The following HTT variants were observed in gnomAD, a reference collection of about 807,000 sequenced individuals.
The protein encoded by HTT is huntington disease protein.
A neutral mutation model predicts 362.3 loss-of-function variants in HTT; 104 were observed. The observed-to-expected ratio is 0.29, with a 90% CI of 0.24 to 0.34. The LOEUF (loss-of-function observed/expected upper bound fraction) is 0.34. Ranked by LOEUF, HTT falls within the 10% of genes least tolerant of loss-of-function variation. HTT has a pLI of 1.00. For synonymous variants in HTT, 1,577 were observed against 1,548.7 expected, an observed-to-expected ratio of 1.02 and a Z score of -0.43; for missense variants, 3,301 against 3,928.6, an observed-to-expected ratio of 0.84 and a Z score of 4.27.
chr4:3,192,411 G>T (rs1719052401), intron 40 of HTT, among the ~76,000 whole-genome samples: 1 of 152,174 alleles, frequency 6.6e-6, no homozygotes, highest in Non-Finnish European at 1.5e-5. Context: ...TTTGTTCTCT[G>T]GTGGGCTGTT....
chr4:3,171,793 A>G (rs1216238907), intron 29 of HTT, among the ~76,000 whole-genome samples: 2 of 152,208 alleles, frequency 1.3e-5, no homozygotes, highest in East Asian at 3.8e-4. Flanking sequence ...TGATTCTTGA[A>G]AAGGACATTG....
chr4:3,173,306 C>A, intron 31 of HTT, 175 bp downstream of exon 31: 1 of 615,096 alleles, frequency 1.6e-6, no homozygotes, highest in Non-Finnish European at 2.9e-6. Context: ...AAGGCATAGC[C>A]CGGCCTTCCA....
In HTT at chr4:3,178,252, A is replaced by G. The variant is rs569786870; in HGVS notation, c.4464-46A>G. On this transcript the variant is annotated intron_variant, in intron 34 of 66. Coordinates refer to ENST00000355072, the MANE Select transcript of HTT (RefSeq NM_001388492.1). The stretch of plus-strand genomic sequence containing the variant: ...TTTTATGTTGCTTATATTGATATGT[A>G]TCTTAATTTTAAAAGAAAGGTCTAA... 6.6e-6 allele frequency: 9 copies of G among 1,368,428 alleles called. No individual in the cohort carries two copies. The East Asian group carries it at 1.6e-4, about 24-fold the overall frequency. The allele number at this position is 1,368,428 out of a possible 1,614,324, so 84.8% of individuals were successfully genotyped here. A position where few individuals can be genotyped will look rare whatever the true frequency, so the allele number is the denominator to read the frequency against.
intron 49 of HTT, among the ~76,000 whole-genome samples, chr4:3,213,366 C>T (rs1186079214): frequency 6.6e-6 from 1 of 152,248 alleles, no homozygotes; most frequent in Non-Finnish European, 1.5e-5. Context: ...GATCACAGCA[C>T]AGGGTGATTG....
Position 3,074,811 on chromosome 4 carries a change from G to A in HTT, c.-15G>A. ...CGAGGCCTCCGGGGACTGCCGTGCC[G>A]GGCGGGAGACCGCCATGGCGACCCT... is the stretch of plus-strand genomic sequence containing the variant. On this transcript the variant is annotated 5_prime_UTR_variant, in exon 1 of 67. Coordinates refer to ENST00000355072, the MANE Select transcript of HTT (RefSeq NM_001388492.1). 1.3e-6 allele frequency: 2 copies of A among 1,512,346 alleles called. No homozygotes were observed. Among genetic ancestry groups the A allele is most frequent in the Admixed American group, 2.0e-5 (1 of 49,182 alleles). The allele number at this position is 1,512,346 out of a possible 1,614,324, so 93.7% of individuals were successfully genotyped here.
At chr4:3,209,709 A>G (rs1368605940) in intron 46 of HTT, 118 bp from the exon 47 acceptor site, 1 of 1,248,226 alleles carries the variant, frequency 8.0e-7, no homozygotes, top group East Asian at 2.4e-5. Flanking sequence ...GCCGGCCGGC[A>G]GCCCTCTCAG....
At chr4:3,105,992 A>T (rs1443393642) in intron 5 of HTT, among the ~76,000 whole-genome samples, 4 of 152,182 alleles carry the variant, frequency 2.6e-5, no homozygotes. Context: ...GCTGATGCTG[A>T]TATCCCATAG....
At chr4:3,165,221 T>A (rs934009059) in intron 29 of HTT, among the ~76,000 whole-genome samples, 1 of 152,208 alleles carries the variant, frequency 6.6e-6, no homozygotes, top group Admixed American at 6.5e-5. Flanking sequence ...TGAAAATACT[T>A]TTTTTAAAGA....
intron 40 of HTT, among the ~76,000 whole-genome samples, chr4:3,191,075 G>A (rs535107635): frequency 5.3e-5 from 8 of 152,290 alleles, no homozygotes; most frequent in Non-Finnish European, 7.3e-5. Flanking sequence ...AAGACCTATA[G>A]AAAGAGATGC....
chr4:3,113,545 G>T (rs1315387728), intron 6 of HTT, among the ~76,000 whole-genome samples: 1 of 152,156 alleles, frequency 6.6e-6, no homozygotes, highest in Non-Finnish European at 1.5e-5. Context: ...GGCCAGGTTG[G>T]TCTCAAACTC....
intron 29 of HTT, among the ~76,000 whole-genome samples, chr4:3,160,865 G>A (rs1056341865): frequency 4.6e-5 from 7 of 152,056 alleles, no homozygotes; most frequent in African/African-American, 1.7e-4. Flanking sequence ...TGAGTTAAAA[G>A]TCTCGTAGAT....
chr4:3,235,265 T>C lies in HTT; in HGVS notation c.8457-19T>C. The C allele has an allele frequency of 6.4e-7, 1 of 1,558,024 alleles. No homozygotes were observed. Among genetic ancestry groups the C allele is most frequent in the Non-Finnish European group, 8.9e-7 (1 of 1,129,812 alleles). On this transcript the variant is annotated intron_variant, in intron 61 of 66. Coordinates refer to ENST00000355072, the MANE Select transcript of HTT (RefSeq NM_001388492.1). ...TTGGATGGGGGTGGCTGAGCCTGGATGCTGTCTCCCGTTTTCAGCTGCGTG... is the reference window on the plus strand; with the variant it reads ...TTGGATGGGGGTGGCTGAGCCTGGACGCTGTCTCCCGTTTTCAGCTGCGTG...
Position 3,186,882 on chromosome 4 carries a change from A to G in HTT, c.4989+163A>G, listed in dbSNP as rs546698195. Reference sequence around the variant, plus strand: ...TTTTGGTGTGGGGGTGGTGCGGAACAGAGTCTCACTCTGTCGCCCAGGCTG... The same window carrying G: ...TTTTGGTGTGGGGGTGGTGCGGAACGGAGTCTCACTCTGTCGCCCAGGCTG... On this transcript the variant is annotated intron_variant, in intron 38 of 66. Coordinates refer to ENST00000355072, the MANE Select transcript of HTT (RefSeq NM_001388492.1). Among the ~76,000 whole-genome samples, 239 of 143,268 alleles carry G rather than the reference A, an allele frequency of 1.7e-3. 2 individuals carry two copies. Among genetic ancestry groups the G allele is most frequent in the Admixed American group, 2.7e-3 (38 of 13,878 alleles). 94.0% of individuals were successfully genotyped at this position (143,268 alleles called of 152,430 possible).
chr4:3,238,174 G>T (rs1046639968), intron 64 of HTT, among the ~76,000 whole-genome samples: 1 of 152,230 alleles, frequency 6.6e-6, no homozygotes, highest in African/African-American at 2.4e-5. Context: ...GGTCCCTACA[G>T]GGTGTGGGAG....
intron 31 of HTT, among the ~76,000 whole-genome samples, chr4:3,174,319 G>T (rs1560579682): frequency 6.6e-6 from 1 of 152,100 alleles, no homozygotes; most frequent in Non-Finnish European, 1.5e-5. Flanking sequence ...TCTTAGAAGG[G>T]ATATCATTGA....
At chr4:3,162,889 C>A (rs1387486706) in intron 29 of HTT, among the ~76,000 whole-genome samples, 1 of 152,204 alleles carries the variant, frequency 6.6e-6, no homozygotes, top group Non-Finnish European at 1.5e-5. Flanking sequence ...AGTTTTACTT[C>A]CTCTCTTCCT....
rs767419845 is a variant in HTT at position 3,204,164 on chromosome 4, C to T, written c.5718+16C>T. The T allele has an allele frequency of 2.4e-5, 38 of 1,613,774 alleles. No individual in the cohort carries two copies. The East Asian group carries it at 6.7e-4, about 28-fold the overall frequency. On this transcript the variant is annotated intron_variant, in intron 42 of 66. Coordinates refer to ENST00000355072, the MANE Select transcript of HTT (RefSeq NM_001388492.1). ...TGATTATGTCGTAAGTTTGAAATGC[C>T]TGTAAACGGGGTTGAGGGAGGTGGG...
At chr4:3,114,415 C>T (rs1262182319) in intron 6 of HTT, among the ~76,000 whole-genome samples, 4 of 152,216 alleles carry the variant, frequency 2.6e-5, no homozygotes, top group African/African-American at 7.2e-5. Flanking sequence ...ACAGAGGTCT[C>T]GTGTAAATTC....
chr4:3,180,263 G>T (rs538572709), intron 35 of HTT, among the ~76,000 whole-genome samples: 2 of 152,230 alleles, frequency 1.3e-5, no homozygotes, highest in South Asian at 4.1e-4. Context: ...TTCAGAAGTG[G>T]TGTTAAATTA....
Sources: gnomAD v4.1 joint callset for allele counts (sites outside exome capture counted in the v4.1 genomes callset) on GRCh38, gnomAD v4.1.1 for gene constraint, MANE v1.5 for transcripts, NCBI Gene and HGNC (gene_info 2026-07-23, HGNC 2026-07-21) for gene names.